The following PTPN18 variants were observed in gnomAD, a reference collection of about 807,000 sequenced individuals.
PTPN18 encodes tyrosine-protein phosphatase non-receptor type 18.
In PTPN18, 65 loss-of-function variants were observed where a neutral mutation model predicts 65.4. The observed-to-expected ratio is 0.99, with a 90% confidence interval of 0.81 to 1.22. PTPN18 has a LOEUF of 1.22. PTPN18 is among the 50% of genes most tolerant of loss of function. The probability of loss-of-function intolerance (pLI) is 0.00; values close to 1 mark genes in which losing one functional copy is unlikely to be tolerated. For missense variants in PTPN18, 616 were observed against 646.5 expected (o/e 0.95, Z 0.51); for synonymous variants, 255 against 267.8 (o/e 0.95, Z 0.47).
At chr2:130,357,835 A>G (rs957025753) in intron 1 of PTPN18, among the ~76,000 whole-genome samples, 3 of 149,486 alleles carry the variant, frequency 2.0e-5, no homozygotes, top group Non-Finnish European at 4.4e-5. Context: ...CAGCCTGGGC[A>G]ACAGAGCGAG....
At chr2:130,370,017 A>C (rs1280356555) in intron 7 of PTPN18, 31 bp from the exon 8 acceptor site, 1 of 1,606,710 alleles carries the variant, frequency 6.2e-7, no homozygotes, top group Non-Finnish European at 8.5e-7. Context: ...TTTTTTCCTA[A>C]GTCTTTTGCT....
intron 13 of PTPN18, 150 bp from the exon 14 acceptor site, chr2:130,372,723 T>A: frequency 9.6e-7 from 1 of 1,043,866 alleles, no homozygotes; most frequent in Non-Finnish European, 1.4e-6. Context: ...GCCCAAAGGC[T>A]GGAGGCCACG....
intron 5 of PTPN18, among the ~76,000 whole-genome samples, chr2:130,365,759 G>C (rs1680362059): frequency 1.3e-5 from 2 of 152,210 alleles, no homozygotes; most frequent in Admixed American, 6.5e-5. Flanking sequence ...ATGTGAGATA[G>C]GGGTCCACAT....
rs765387442 is a variant in PTPN18 at position 130,359,295 on chromosome 2, G to A, written c.265G>A (p.Gly89Ser). Residue 89 changes from glycine (G) to serine (S), a missense_variant, in exon 3 of 15, where the codon GGC (glycine) becomes AGC (serine). By Grantham distance (56) the Gly-to-Ser change is moderately conservative (BLOSUM62 0). Transcript: ENST00000175756. ...QEEGHSDYIN[G>S]NFIRGVDGSL... ...AGAGGGACACAGCGACTACATTAAT[G>A]GCAACTTCATCCGGGTGAGGGTTGG... 1.2e-6 allele frequency: 2 copies of A among 1,614,206 alleles called. No homozygotes were observed. The highest frequency in any genetic ancestry group is 4.5e-5 in the East Asian group (2 of 44,886).
rs1467867086 is a variant in PTPN18, at chr2:130,370,125, C to T, written c.624C>T (p.Leu208=). The change falls in exon 8 of 15, where the codon CTC becomes CTT. Residue 208 remains leucine, a synonymous_variant. Transcript: ENST00000175756. ...TCCCCAGCAGTCCTGACCACATGCT[C>T]GCCATGGTGGAGGAAGCCCGTCGCC... ...RGVPSSPDHM[L]AMVEEARRLQ... The T allele has an allele frequency of 9.9e-6, 16 of 1,614,014 alleles. No individual in the cohort carries two copies. Among genetic ancestry groups the T allele is most frequent in the African/African-American group, 2.7e-5 (2 of 74,920 alleles).
intron 5 of PTPN18, among the ~76,000 whole-genome samples, chr2:130,366,825 C>T (rs1680400666): frequency 6.6e-6 from 1 of 151,726 alleles, no homozygotes; most frequent in African/African-American, 2.4e-5. Flanking sequence ...GCAGAGCTTA[C>T]TTATTCTATT....
chr2:130,365,217 T>A (rs1680343271), intron 5 of PTPN18, among the ~76,000 whole-genome samples: 1 of 152,264 alleles, frequency 6.6e-6, no homozygotes, highest in Non-Finnish European at 1.5e-5. Flanking sequence ...GGTTTCTACA[T>A]ATGCTCCATT....
rs1267917453 is a variant in PTPN18 at position 130,372,369 on chromosome 2, A to ACGGGGACGGGGG, written c.1129_1140dup (p.Gly377_Ala380dup). ...GAGTGGGACGCAGACGGGGACGGGG[A>ACGGGGACGGGGG]CGGGGACGGGGGCGCGCAGCGCGGA... On this transcript the variant is annotated inframe_insertion, in exon 13 of 15. Coordinates refer to ENST00000175756, the MANE Select transcript of PTPN18 (RefSeq NM_014369.4). 1 of 1,365,258 alleles carries ACGGGGACGGGGG rather than the reference A, an allele frequency of 7.3e-7. No individual in the cohort carries two copies. The highest frequency in any genetic ancestry group is 9.4e-7 in the Non-Finnish European group (1 of 1,063,700). 84.6% of individuals were successfully genotyped at this position (1,365,258 alleles called of 1,614,324 possible).
intron 5 of PTPN18, 33 bp downstream of exon 5, chr2:130,359,679 T>C: frequency 6.2e-7 from 1 of 1,608,224 alleles, no homozygotes. Flanking sequence ...TTTCATGTCC[T>C]TGTGGGAGGA....
rs1168743514 is a variant in PTPN18, at chr2:130,374,622, G to A, written c.*1398G>A. On this transcript the variant is annotated 3_prime_UTR_variant, in exon 15 of 15. Transcript: ENST00000175756. ...CTGCAAAATGGAAAAAGTATAAGAT[G>A]CTCTTTCCCTGAACCTCAAGGGTCC... 2 of 471,194 alleles carry A rather than the reference G, an allele frequency of 4.2e-6. No homozygotes were observed. Among genetic ancestry groups the A allele is most frequent in the Non-Finnish European group, 8.8e-6 (2 of 227,110 alleles). 29.2% of individuals were successfully genotyped at this position (471,194 alleles called of 1,614,324 possible).
At chr2:130,370,284 T>G in intron 8 of PTPN18, 94 bp downstream of exon 8, 4 of 1,546,962 alleles carry the variant, frequency 2.6e-6, no homozygotes, top group Non-Finnish European at 3.5e-6. Flanking sequence ...GTAGTCTGAG[T>G]GCCTATTTTG....
At chr2:130,369,243 A>C in intron 6 of PTPN18, 42 bp downstream of exon 6, 1 of 1,569,696 alleles carries the variant, frequency 6.4e-7, no homozygotes, top group Non-Finnish European at 8.8e-7. Flanking sequence ...CAGGGTGGAA[A>C]GGCTTTGGGT....
chr2:130,364,350 TCATC>T (rs1558843829), intron 5 of PTPN18, among the ~76,000 whole-genome samples: 1 of 152,246 alleles, frequency 6.6e-6, no homozygotes, highest in Non-Finnish European at 1.5e-5. Flanking sequence ...TTTTCAAGGT[TCATC>T]CATGTTGCAG....
At chr2:130,365,691 A>G (rs6431154) in intron 5 of PTPN18, among the ~76,000 whole-genome samples, 46,376 of 152,102 alleles carry the variant, frequency 0.3, 9,232 homozygotes, top group African/African-American at 0.57. Flanking sequence ...TAAGTGTTTT[A>G]TAGTTTTCTT....
At position 130,372,369 on chromosome 2, in the gene PTPN18, ACGGGG is replaced by A. The variant is rs1680596745; in HGVS notation, c.1127_1131del (p.Thr376AsnfsTer40). On this transcript the variant is annotated frameshift_variant, in exon 13 of 15. Coordinates refer to ENST00000175756, the MANE Select transcript of PTPN18 (RefSeq NM_014369.4). LOFTEE classifies it high-confidence loss of function. ...GAGTGGGACGCAGACGGGGACGGGG[ACGGGG>A]ACGGGGGCGCGCAGCGCGGAGGAGG... 2.9e-6 allele frequency: 4 copies of A among 1,365,258 alleles called. No homozygotes were observed. 84.6% of individuals were successfully genotyped at this position (1,365,258 alleles called of 1,614,324 possible). A position where few individuals can be genotyped will look rare whatever the true frequency, so the allele number is the denominator to read the frequency against.
chr2:130,372,551 A>AGT, intron 13 of PTPN18, 68 bp downstream of exon 13: 2 of 1,407,474 alleles, frequency 1.4e-6, no homozygotes, highest in African/African-American at 1.5e-5. Flanking sequence ...ACCATCCTGC[A>AGT]GTGGTCCGTC....
At chr2:130,372,221 G>A (rs1436017434) in intron 12 of PTPN18, 36 bp from the exon 13 acceptor site, 2 of 1,548,266 alleles carry the variant, frequency 1.3e-6, no homozygotes, top group Non-Finnish European at 1.7e-6. Flanking sequence ...GCCCAGCGCC[G>A]CCGTTTCACT....
Position 130,374,776 on chromosome 2 carries a change from G to T in PTPN18, c.*1552G>T. The T allele has an allele frequency of 2.2e-6, 1 of 451,858 alleles. No homozygotes were observed. 28.0% of individuals were successfully genotyped at this position (451,858 alleles called of 1,614,324 possible). Reference sequence around the variant, plus strand: ...CCTGCCCTTCTCTGGGATAGGGCTGGCCTTCCTCTGCCTCTGCCTGGCTGC... The same window carrying T: ...CCTGCCCTTCTCTGGGATAGGGCTGTCCTTCCTCTGCCTCTGCCTGGCTGC... On this transcript the variant is annotated 3_prime_UTR_variant, in exon 15 of 15. Transcript: ENST00000175756.
At chr2:130,359,524 G>C in intron 4 of PTPN18, 32 bp downstream of exon 4, 1 of 1,613,102 alleles carries the variant, frequency 6.2e-7, no homozygotes, top group Non-Finnish European at 8.5e-7. Flanking sequence ...ACAATGGTGG[G>C]GTCAACATCT....
Sources: allele counts gnomAD v4.1 joint callset (sites outside exome capture counted in the v4.1 genomes callset), GRCh38; gene constraint gnomAD v4.1.1; transcripts MANE v1.5; gene names NCBI Gene and HGNC (gene_info 2026-07-23, HGNC 2026-07-21).